Variants in CFAP221 observed in about 807,000 individuals in gnomAD.
The protein encoded by CFAP221 is cilia- and flagella-associated protein 221.
A neutral mutation model predicts 113.1 loss-of-function variants in CFAP221; 97 were observed. The observed-to-expected ratio is 0.86, with a 90% confidence interval of 0.73 to 1.02. The LOEUF is 1.02. Among genes scored for constraint, CFAP221 ranks in the 50% least tolerant of loss-of-function variants. The probability of loss-of-function intolerance (pLI) is 0.00; values close to 1 mark genes in which losing one functional copy is unlikely to be tolerated. For synonymous variants in CFAP221, 331 were observed against 354.4 expected, an observed-to-expected ratio of 0.93 and a Z score of 0.74; for missense variants, 1,025 against 1,013.4, an observed-to-expected ratio of 1.01 and a Z score of -0.16.
chr2:119,630,427 A>C, intron 17 of CFAP221, 143 bp from the exon 18 acceptor site: 4 of 659,928 alleles, frequency 6.1e-6, no homozygotes, highest in East Asian at 5.5e-5. Flanking sequence ...GGTCCAAACC[A>C]ACAATAGCCA....
Position 119,549,160 on chromosome 2 carries a change from T to C in CFAP221, c.215T>C (p.Val72Ala), listed in dbSNP as rs1680253909. The change falls in exon 3 of 24, where the codon GTA (valine) becomes GCA (alanine). Residue 72 changes from valine to alanine, a missense_variant. By Grantham distance (64) the Val-to-Ala change is moderately conservative. Coordinates refer to ENST00000413369, the MANE Select transcript of CFAP221 (RefSeq NM_001271049.2). ...ATAATACATTTTGGAGGCTATCAAG[T>C]AGAAAAACAACACCAACAGATTCTG... ...PGIIHFGGYQ[V>A]EKQHQQILHL... 6 of 1,534,620 alleles carry C rather than the reference T, an allele frequency of 3.9e-6. No homozygotes were observed. In the East Asian group the frequency reaches 1.2e-4, roughly 31 times the overall value.
At chr2:119,656,060 T>C (rs1574250923) in intron 23 of CFAP221, 1 of 340,098 alleles carries the variant, frequency 2.9e-6, no homozygotes. Context: ...CATTTCACCT[T>C]TGCTACAATG....
At chr2:119,659,035 G>A (rs966904834), downstream of CFAP221, among the ~76,000 whole-genome samples, 1 of 150,326 alleles carries the variant, frequency 6.7e-6, no homozygotes, top group Non-Finnish European at 1.5e-5. Flanking sequence ...CATTGATACT[G>A]ATGCTTCCAA....
intron 23 of CFAP221, 81 bp from the exon 24 acceptor site, chr2:119,656,281 A>G: frequency 9.2e-7 from 1 of 1,086,488 alleles, no homozygotes; most frequent in Non-Finnish European, 1.4e-6. Context: ...TCCGACCTTC[A>G]CCAGCACTGC....
chr2:119,573,808 C>T (rs1574034912), intron 6 of CFAP221, among the ~76,000 whole-genome samples: 1 of 152,320 alleles, frequency 6.6e-6, no homozygotes, highest in African/African-American at 2.4e-5. Context: ...TAATGTCAGT[C>T]TAGTTACTCA....
At chr2:119,594,109 G>C (rs1412531130) in intron 7 of CFAP221, among the ~76,000 whole-genome samples, 1 of 152,074 alleles carries the variant, frequency 6.6e-6, no homozygotes, top group Non-Finnish European at 1.5e-5. Context: ...TTCTCTTTTC[G>C]TCTCCTTTGA....
At chr2:119,628,210 C>T (rs965034338) in intron 16 of CFAP221, among the ~76,000 whole-genome samples, 11 of 151,872 alleles carry the variant, frequency 7.2e-5, no homozygotes, top group Admixed American at 7.2e-4. Context: ...GGCCTGACCT[C>T]ATAAGAAGGG....
chr2:119,563,907 C>T (rs1558916450), intron 6 of CFAP221, among the ~76,000 whole-genome samples: 1 of 152,152 alleles, frequency 6.6e-6, no homozygotes, highest in Admixed American at 6.5e-5. Flanking sequence ...TCTGCAAAGG[C>T]GTGATGGCAG....
intron 15 of CFAP221, among the ~76,000 whole-genome samples, chr2:119,627,440 A>G (rs1040866972): frequency 1.3e-5 from 2 of 151,828 alleles, no homozygotes; most frequent in African/African-American, 2.4e-5. Context: ...TATGAATTAT[A>G]GTTTTTTGGA....
intron 6 of CFAP221, among the ~76,000 whole-genome samples, chr2:119,563,421 C>T (rs893800067): frequency 6.6e-6 from 1 of 152,126 alleles, no homozygotes; most frequent in Non-Finnish European, 1.5e-5. Context: ...ATGCAGAGGG[C>T]CTAGTGTATA....
At chr2:119,561,965 A>G in intron 5 of CFAP221, 49 bp from the exon 6 acceptor site, 1 of 1,204,578 alleles carries the variant, frequency 8.3e-7, no homozygotes, top group Non-Finnish European at 1.2e-6. Flanking sequence ...TTTGTCTAAA[A>G]GTTGTAGTCT....
Position 119,640,470 on chromosome 2 carries a change from A to G in CFAP221, c.2225+598A>G, listed in dbSNP as rs746568079. ...GCTTATTTAATAGCTCTTCAAAACC[A>G]TAAGATATCAAAGAAGTAGCCTGGT... is the stretch of plus-strand genomic sequence containing the variant. On this transcript the variant is annotated intron_variant, in intron 21 of 23. Coordinates refer to ENST00000413369, the MANE Select transcript of CFAP221 (RefSeq NM_001271049.2). 2.0e-5 allele frequency among the ~76,000 whole-genome samples: 3 copies of G among 152,202 alleles called. No homozygotes were observed. The East Asian group carries it at 5.8e-4, about 29-fold the overall frequency.
intron 3 of CFAP221, among the ~76,000 whole-genome samples, chr2:119,552,835 ATATT>A (rs1470041282): frequency 1.3e-5 from 2 of 149,548 alleles, no homozygotes; most frequent in Non-Finnish European, 3.0e-5. Context: ...ATAAAGAGAA[ATATT>A]TCTTTCTTTA....
chr2:119,633,730 AT>A (rs67884156), intron 19 of CFAP221, among the ~76,000 whole-genome samples: 148,226 of 152,028 alleles, frequency 0.97, 72,388 homozygotes, highest in Non-Finnish European at 1. Context: ...TATGAAAAAA[AT>A]ACCACCAATC....
chr2:119,613,226 T>A (rs888873444), intron 13 of CFAP221, among the ~76,000 whole-genome samples: 16 of 152,166 alleles, frequency 1.1e-4, no homozygotes, highest in African/African-American at 3.6e-4. Flanking sequence ...TGGCATTGAG[T>A]GTCTGTGGGT....
At position 119,656,539 on chromosome 2, in the gene CFAP221, C is replaced by T. The variant is rs1688447198; in HGVS notation, c.*69C>T. ...CACTGTGGCCCCTTGCGTCCATTTA[C>T]ATGCCAGCCATCTCTGCAATTAAAG... On this transcript the variant is annotated 3_prime_UTR_variant, in exon 24 of 24. Transcript: ENST00000413369. The T allele has an allele frequency of 6.0e-6, 6 of 998,838 alleles. 1 individual carries two copies. In the South Asian group the frequency reaches 8.4e-5, roughly 14 times the overall value. The allele number at this position is 998,838 out of a possible 1,614,324, so 61.9% of individuals were successfully genotyped here. A position where few individuals can be genotyped will look rare whatever the true frequency, so the allele number is the denominator to read the frequency against.
Position 119,630,831 on chromosome 2 carries a change from C to T in CFAP221, c.1904C>T (p.Thr635Ile). Reference sequence around the variant, plus strand: ...TCCACAACTCAGCTCTCTGGCAAAACATCAGTCTTGAGCATGAAACCACCT... The same window carrying T: ...TCCACAACTCAGCTCTCTGGCAAAATATCAGTCTTGAGCATGAAACCACCT... ...QDSTTQLSGK[T>I]SVLSMKPPEA... is the part of the protein sequence containing the mutation. Residue 635 changes from threonine to isoleucine, a missense_variant, in exon 19 of 24, where the codon ACA becomes ATA. Thr to Ile is a moderately conservative substitution (Grantham distance 89). Coordinates refer to ENST00000413369, the MANE Select transcript of CFAP221 (RefSeq NM_001271049.2). 6.2e-7 allele frequency: 1 copy of T among 1,613,956 alleles called. No individual in the cohort carries two copies. The highest frequency in any genetic ancestry group is 8.5e-7 in the Non-Finnish European group (1 of 1,179,806).
chr2:119,549,906 T>G (rs958233138), intron 3 of CFAP221, among the ~76,000 whole-genome samples: 1 of 152,192 alleles, frequency 6.6e-6, no homozygotes, highest in Admixed American at 6.5e-5. Flanking sequence ...TCTTGCTGGG[T>G]CCCCTTCATT....
intron 13 of CFAP221, among the ~76,000 whole-genome samples, chr2:119,614,076 T>C (rs1315817996): frequency 1.3e-5 from 2 of 152,220 alleles, no homozygotes; most frequent in Non-Finnish European, 2.9e-5. Flanking sequence ...AGGGGCAAAA[T>C]GCCCCCAGTC....
Sources: allele counts gnomAD v4.1 joint callset (sites outside exome capture counted in the v4.1 genomes callset), GRCh38; gene constraint gnomAD v4.1.1; transcripts MANE v1.5; gene names NCBI Gene and HGNC (gene_info 2026-07-23, HGNC 2026-07-21).